Variants in GREB1 observed in about 807,000 individuals in gnomAD.
The protein encoded by GREB1 is growth regulating estrogen receptor binding 1.
In GREB1, 106 loss-of-function variants were observed where a neutral mutation model predicts 200.7. The observed-to-expected ratio is 0.53, with a 90% CI of 0.45 to 0.62. The LOEUF is 0.62. Among genes scored for constraint, GREB1 ranks in the 20% least tolerant of loss-of-function variants. The probability of loss-of-function intolerance (pLI) is 0.00; values close to 1 mark genes in which losing one functional copy is unlikely to be tolerated. For missense variants in GREB1, 2,243 were observed against 2,556.8 expected (o/e 0.88, Z 2.65); for synonymous variants, 1,132 against 1,092.4 (o/e 1.04, Z -0.72).
chr2:11,531,071 G>C (rs1233962302), upstream of GREB1, among the ~76,000 whole-genome samples: 1 of 152,216 alleles, frequency 6.6e-6, no homozygotes, highest in Non-Finnish European at 1.5e-5. Flanking sequence ...GGCCTGTTTG[G>C]AGGGTGTGGG....
chr2:11,612,720 C>A, intron 19 of GREB1, 110 bp downstream of exon 19: 1 of 672,128 alleles, frequency 1.5e-6, no homozygotes, highest in Non-Finnish European at 2.6e-6. Context: ...CAGCACCACT[C>A]ACATTCACAG....
chr2:11,528,466 C>A (rs574108323), intron 1 of GREB1, among the ~76,000 whole-genome samples: 2 of 152,112 alleles, frequency 1.3e-5, no homozygotes, highest in Non-Finnish European at 2.9e-5. Flanking sequence ...AGATTTGAGT[C>A]CCCTTTGAGT....
intron 1 of GREB1, among the ~76,000 whole-genome samples, chr2:11,501,760 A>T (rs1233246916): frequency 1.8e-4 from 27 of 152,032 alleles, no homozygotes; most frequent in Non-Finnish European, 1.5e-5. Flanking sequence ...GTCCAACCTC[A>T]AACACATGTG....
rs148408529 is a variant in GREB1, at chr2:11,597,427, T to C, written c.1955-354T>C. Among the ~76,000 whole-genome samples, 184 of 152,272 alleles carry C rather than the reference T, an allele frequency of 1.2e-3. 1 individual carries two copies. Among genetic ancestry groups the C allele is most frequent in the African/African-American group, 4.2e-3 (175 of 41,542 alleles). On this transcript the variant is annotated intron_variant, in intron 13 of 32. Coordinates refer to ENST00000381486, the MANE Select transcript of GREB1 (RefSeq NM_014668.4). This position sits in a 1 kb window ranked among gnomAD's most constrained non-coding sequence, Gnocchi z 4.1. The stretch of plus-strand genomic sequence containing the variant: ...AATGACTGTCGTGTTAGTTTTCTTT[T>C]CTGGAGAGTTTGCAGTCCTCTTCCA...
intron 31 of GREB1, among the ~76,000 whole-genome samples, 160 bp downstream of exon 31, chr2:11,638,076 C>T (rs140876100): frequency 6.2e-4 from 94 of 152,350 alleles, no homozygotes; most frequent in African/African-American, 2.3e-3. Flanking sequence ...AACTGAGATG[C>T]TTTGCCTGGA....
intron 1 of GREB1, among the ~76,000 whole-genome samples, chr2:11,537,720 A>T (rs1301605879): frequency 6.8e-6 from 1 of 147,312 alleles, no homozygotes; most frequent in Admixed American, 6.8e-5. Context: ...TAAATATATG[A>T]TATTTATATA....
At chr2:11,527,068 A>G (rs777205688) in intron 1 of GREB1, among the ~76,000 whole-genome samples, 4 of 152,210 alleles carry the variant, frequency 2.6e-5, no homozygotes, top group Non-Finnish European at 5.9e-5. Flanking sequence ...TTTATGATTT[A>G]GATAGCCCAA....
chr2:11,593,843 G>A (rs1680969001), intron 11 of GREB1, among the ~76,000 whole-genome samples: 1 of 152,132 alleles, frequency 6.6e-6, no homozygotes, highest in Admixed American at 6.5e-5. Context: ...GGGGCCCACA[G>A]GGAGCAGAGC....
chr2:11,610,000 C>G (rs1362713335), intron 17 of GREB1, among the ~76,000 whole-genome samples: 4 of 152,182 alleles, frequency 2.6e-5, no homozygotes, highest in South Asian at 2.1e-4. Context: ...CTGGGCTTTT[C>G]CATTGGTGCC....
intron 4 of GREB1, among the ~76,000 whole-genome samples, chr2:11,574,201 C>A (rs1162872592): frequency 2.0e-5 from 3 of 152,230 alleles, no homozygotes; most frequent in Non-Finnish European, 4.4e-5. Flanking sequence ...TGTTAACCGG[C>A]TGCCTGCCAC....
intron 2 of GREB1, among the ~76,000 whole-genome samples, chr2:11,557,208 A>G (rs1676512852): frequency 6.6e-6 from 1 of 152,222 alleles, no homozygotes; most frequent in African/African-American, 2.4e-5. Flanking sequence ...AAAAGCAAAC[A>G]TTATAAATTT....
intron 4 of GREB1, among the ~76,000 whole-genome samples, chr2:11,574,939 G>A (rs906157446): frequency 6.6e-6 from 1 of 152,222 alleles, no homozygotes; most frequent in African/African-American, 2.4e-5. Context: ...CCTATGGCGA[G>A]GCCAAGAGAT....
At chr2:11,626,880 T>A in intron 24 of GREB1, 82 bp from the exon 25 acceptor site, 1 of 1,410,312 alleles carries the variant, frequency 7.1e-7, no homozygotes, top group South Asian at 1.2e-5. Context: ...CATTTGAGCA[T>A]TTTTGGTTTC....
At chr2:11,512,403 A>G (rs1673376144) in intron 1 of GREB1, among the ~76,000 whole-genome samples, 1 of 152,226 alleles carries the variant, frequency 6.6e-6, no homozygotes, top group African/African-American at 2.4e-5. Flanking sequence ...CACTTAACAA[A>G]TATTTATTGA....
At chr2:11,573,089 C>T (rs112782127) in intron 4 of GREB1, among the ~76,000 whole-genome samples, 27 of 152,222 alleles carry the variant, frequency 1.8e-4, no homozygotes, top group Non-Finnish European at 2.9e-4. Flanking sequence ...CCTCACATCA[C>T]CTAACTGTAG....
In GREB1 at chr2:11,610,060, G is replaced by A. The variant is rs369346521; in HGVS notation, c.2667-628G>A. 2.0e-5 allele frequency among the ~76,000 whole-genome samples: 3 copies of A among 152,242 alleles called. No individual in the cohort carries two copies. The East Asian group carries it at 5.8e-4, about 29-fold the overall frequency. On this transcript the variant is annotated intron_variant, in intron 17 of 32. Coordinates refer to ENST00000381486, the MANE Select transcript of GREB1 (RefSeq NM_014668.4). Reference sequence around the variant, plus strand: ...CAGAGCCACTCTAGGAGAGCAGGTGGTTGTGGGAGCAGCCACCACCTTTGT... The same window carrying A: ...CAGAGCCACTCTAGGAGAGCAGGTGATTGTGGGAGCAGCCACCACCTTTGT...
intron 1 of GREB1, among the ~76,000 whole-genome samples, chr2:11,483,229 CGTGCGTGTGCGTGTATGGGT>C (rs1057513404): frequency 1.4e-4 from 20 of 145,628 alleles, no homozygotes; most frequent in African/African-American, 5.1e-4. Context: ...GTGGGGTGTG[CGTGCGTGTGCGTGTATGGGT>C]GTGCGTGTGT....
At chr2:11,613,512 C>T (rs928072658) in intron 19 of GREB1, among the ~76,000 whole-genome samples, 2 of 152,188 alleles carry the variant, frequency 1.3e-5, no homozygotes, top group African/African-American at 2.4e-5. Context: ...GAGATTAAGC[C>T]AGTCTGGCCA....
At position 11,587,741 on chromosome 2, in the gene GREB1, A is replaced by ACACGCGCGCGCG; in HGVS notation, c.1160-1004_1160-1003insACGCGCGCGCGC. ...CACACACACACACACACACACACAC[A>ACACGCGCGCGCG]CGCCACCTTTGGGAGCTCAGCAGCC... On this transcript the variant is annotated intron_variant, in intron 9 of 32. Coordinates refer to ENST00000381486, the MANE Select transcript of GREB1 (RefSeq NM_014668.4). The ACACGCGCGCGCG allele has an allele frequency of 1.2e-4, 95 of 788,296 alleles. 4 individuals carry two copies. In the South Asian group the frequency reaches 1.7e-3, roughly 14 times the overall value. The allele number at this position is 788,296 out of a possible 1,614,324, so 48.8% of individuals were successfully genotyped here. A position where few individuals can be genotyped will look rare whatever the true frequency, so the allele number is the denominator to read the frequency against.
Sources: allele counts gnomAD v4.1 joint callset (sites outside exome capture counted in the v4.1 genomes callset), GRCh38; gene constraint gnomAD v4.1.1; non-coding constraint Gnocchi (gnomAD v3.1); transcripts MANE v1.5; gene names NCBI Gene and HGNC (gene_info 2026-07-23, HGNC 2026-07-21).